INPP4B: variants seen among roughly 807,000 people sequenced by gnomAD.
The protein encoded by INPP4B is inositol polyphosphate-4-phosphatase type II B, also known as inositol polyphosphate 4-phosphatase type II.
In INPP4B, 55 loss-of-function variants were observed where a neutral mutation model predicts 122.5. That is an observed-to-expected ratio of 0.45 (90% CI 0.36 to 0.56). The LOEUF (loss-of-function observed/expected upper bound fraction) is 0.56. INPP4B is among the 20% of genes least tolerant of loss of function. The pLI, the probability that INPP4B is intolerant of heterozygous loss-of-function variation, is 0.00. For missense variants in INPP4B, 1,000 were observed against 1,097.7 expected, an observed-to-expected ratio of 0.91 and a Z score of 1.26; for synonymous variants, 403 against 388.7, an observed-to-expected ratio of 1.04 and a Z score of -0.43.
chr4:142,753,064 T>A (rs945159919), intron 1 of INPP4B, among the ~76,000 whole-genome samples: 4 of 152,134 alleles, frequency 2.6e-5, no homozygotes, highest in Non-Finnish European at 5.9e-5. Context: ...AGACACATGA[T>A]AAAGCCTTTA....
At chr4:142,042,299 C>T (rs1051334474) in intron 25 of INPP4B, among the ~76,000 whole-genome samples, 3 of 152,052 alleles carry the variant, frequency 2.0e-5, no homozygotes, top group Non-Finnish European at 4.4e-5. Context: ...CAGCTGTATC[C>T]TAGCTATGCA....
At chr4:142,795,360 C>T (rs1295558878) in intron 1 of INPP4B, 19 of 151,922 alleles carry the variant, frequency 1.3e-4, no homozygotes, top group Admixed American at 1.2e-3. Flanking sequence ...ACTGGAGAAG[C>T]TTCAAAGGCA....
chr4:142,617,770 T>C (rs2150361109), intron 2 of INPP4B, among the ~76,000 whole-genome samples: 2 of 152,152 alleles, frequency 1.3e-5, no homozygotes, highest in South Asian at 4.1e-4. Flanking sequence ...ATATAAATCC[T>C]ATAGAAAACC....
intron 3 of INPP4B, among the ~76,000 whole-genome samples, chr4:142,455,995 G>T (rs1256427491): frequency 7.3e-5 from 11 of 151,184 alleles, no homozygotes; most frequent in Non-Finnish European, 1.0e-4. Context: ...TTTTTGATAG[G>T]ATTATTAGAT....
At chr4:142,707,956 C>A (rs929897550) in intron 2 of INPP4B, among the ~76,000 whole-genome samples, 2 of 152,144 alleles carry the variant, frequency 1.3e-5, no homozygotes, top group South Asian at 4.1e-4. Flanking sequence ...GATAGTGATA[C>A]GGACAATGAA....
At chr4:142,561,971 G>C (rs1303627465) in intron 2 of INPP4B, among the ~76,000 whole-genome samples, 1 of 151,012 alleles carries the variant, frequency 6.6e-6, no homozygotes, top group Non-Finnish European at 1.5e-5. Flanking sequence ...ATTTTTTTTT[G>C]TTCTCTTTTT....
chr4:142,402,846 T>A (rs1334101542), intron 7 of INPP4B, 92 bp downstream of exon 7: 3 of 766,122 alleles, frequency 3.9e-6, no homozygotes, highest in Non-Finnish European at 7.1e-6. Context: ...GGTGCAAATA[T>A]CCTCTTTGAA....
At chr4:142,759,517 A>C (rs1770986007) in intron 1 of INPP4B, among the ~76,000 whole-genome samples, 1 of 152,144 alleles carries the variant, frequency 6.6e-6, no homozygotes, top group South Asian at 2.1e-4. Flanking sequence ...ACTGCATCTT[A>C]TATTAAGTCT....
intron 2 of INPP4B, among the ~76,000 whole-genome samples, chr4:142,652,310 C>T (rs929079277): frequency 2.0e-5 from 3 of 152,194 alleles, no homozygotes; most frequent in Non-Finnish European, 4.4e-5. Context: ...AAAACCAGCA[C>T]AAGACAAGAA....
At chr4:142,339,313 T>C (rs900954624) in intron 7 of INPP4B, among the ~76,000 whole-genome samples, 2 of 152,226 alleles carry the variant, frequency 1.3e-5, no homozygotes, top group Non-Finnish European at 2.9e-5. Flanking sequence ...GCCATGCTTG[T>C]GTGCAAAAGG....
chr4:142,594,459 G>T (rs1023273630), intron 2 of INPP4B, among the ~76,000 whole-genome samples: 3 of 151,988 alleles, frequency 2.0e-5, no homozygotes, highest in African/African-American at 7.3e-5. Context: ...GGATATTATG[G>T]TCAATTCCAT....
chr4:142,056,926 T>C (rs916524103), intron 25 of INPP4B, among the ~76,000 whole-genome samples: 63 of 152,258 alleles, frequency 4.1e-4, no homozygotes, highest in Admixed American at 5.2e-4. Context: ...AACTCAAATA[T>C]ACCTTGTCTC....
chr4:142,345,392 C>A (rs542284947), intron 7 of INPP4B, among the ~76,000 whole-genome samples: 7 of 151,932 alleles, frequency 4.6e-5, no homozygotes, highest in Non-Finnish European at 8.8e-5. Flanking sequence ...GGGGAAAATA[C>A]TGTCGAAAAA....
Position 142,427,554 on chromosome 4 carries a change from G to T in INPP4B, c.136+1619C>A. 5.2e-6 allele frequency: 3 copies of T among 571,758 alleles called. No individual in the cohort carries two copies. In the South Asian group the frequency reaches 6.8e-5, roughly 13 times the overall value. The allele number at this position is 571,758 out of a possible 1,614,324, so 35.4% of individuals were successfully genotyped here. A position where few individuals can be genotyped will look rare whatever the true frequency, so the allele number is the denominator to read the frequency against. Reference sequence around the variant, plus strand: ...AAACAAACAGCATAGTTAGGTCTTTGAACAAGATAGATTCTCTTAATTGCA... The same window carrying T: ...AAACAAACAGCATAGTTAGGTCTTTTAACAAGATAGATTCTCTTAATTGCA... On this transcript the variant is annotated intron_variant, in intron 5 of 25. Transcript: ENST00000262992.
intron 1 of INPP4B, among the ~76,000 whole-genome samples, chr4:142,746,129 A>C (rs2150933466): frequency 6.6e-6 from 1 of 152,098 alleles, no homozygotes; most frequent in South Asian, 2.1e-4. Flanking sequence ...TACTCAACAA[A>C]TACTACACAC....
At chr4:142,812,357 C>T (rs1466087901) in intron 1 of INPP4B, among the ~76,000 whole-genome samples, 1 of 152,188 alleles carries the variant, frequency 6.6e-6, no homozygotes, top group East Asian at 1.9e-4. Context: ...AAACATTGCA[C>T]TTTTTTCTGG....
At chr4:142,739,070 A>G (rs933195596) in intron 1 of INPP4B, among the ~76,000 whole-genome samples, 2 of 152,106 alleles carry the variant, frequency 1.3e-5, no homozygotes, top group African/African-American at 2.4e-5. Context: ...CCAAAACCAA[A>G]CATAATAACA....
chr4:142,266,743 T>C (rs1743016312), intron 10 of INPP4B, among the ~76,000 whole-genome samples: 1 of 152,036 alleles, frequency 6.6e-6, no homozygotes, highest in South Asian at 2.1e-4. Context: ...AAATAAAAGA[T>C]ATCCAAATAG....
At chr4:142,250,189 C>G (rs1347580635) in intron 11 of INPP4B, among the ~76,000 whole-genome samples, 3 of 152,116 alleles carry the variant, frequency 2.0e-5, no homozygotes, top group African/African-American at 7.2e-5. Flanking sequence ...CTCCTTCCAC[C>G]CTAAATTCAC....
Sources: allele counts gnomAD v4.1 joint callset (sites outside exome capture counted in the v4.1 genomes callset), GRCh38; gene constraint gnomAD v4.1.1; transcripts MANE v1.5; gene names NCBI Gene and HGNC (gene_info 2026-07-23, HGNC 2026-07-21).